Variants in MTUS1 observed in about 807,000 individuals in gnomAD.
MTUS1 encodes microtubule associated scaffold protein 1.
MTUS1 carries 109 observed loss-of-function variants against 120.8 expected under a neutral mutation model. The observed-to-expected ratio is 0.90, with a 90% confidence interval of 0.77 to 1.06. The LOEUF (loss-of-function observed/expected upper bound fraction) is 1.06, where lower values mean the gene tolerates loss of function less well. MTUS1 is among the 50% of genes least tolerant of loss of function. The probability of loss-of-function intolerance (pLI) is 0.00; values close to 1 mark genes in which losing one functional copy is unlikely to be tolerated. For missense variants in MTUS1, 2,210 were observed against 1,486.3 expected, an observed-to-expected ratio of 1.49 and a Z score of -8.01; for synonymous variants, 737 against 550.5, an observed-to-expected ratio of 1.34 and a Z score of -4.74.
Position 17,653,407 on chromosome 8 carries a change from A to T in MTUS1, c.3288+18T>A, listed in dbSNP as rs368355181. On this transcript the variant is annotated intron_variant, in intron 11 of 14. Transcript: ENST00000693296. ...ATTTTTTTTTGTGGGGGATACTGGG[A>T]TATTGACATTCACCCACCTCTAGCG... 2.6e-4 allele frequency: 415 copies of T among 1,583,352 alleles called. 11 individuals carry two copies. The East Asian group carries it at 5.3e-3, about 20-fold the overall frequency.
chr8:17,733,359 T>TAAA (rs33999065), intron 3 of MTUS1, among the ~76,000 whole-genome samples: 2,197 of 138,894 alleles, frequency 0.016, 23 homozygotes, highest in East Asian at 0.051. Flanking sequence ...TCAAAAAAAT[T>TAAA]AAAAAAAAAA....
chr8:17,654,434 G>A, intron 10 of MTUS1, 127 bp downstream of exon 10: 1 of 670,436 alleles, frequency 1.5e-6, no homozygotes, highest in Non-Finnish European at 2.6e-6. Flanking sequence ...AAGGAACCAA[G>A]AACACCCCAG....
At chr8:17,702,662 A>T (rs1363232727) in intron 6 of MTUS1, among the ~76,000 whole-genome samples, 1 of 152,194 alleles carries the variant, frequency 6.6e-6, no homozygotes, top group African/African-American at 2.4e-5. Flanking sequence ...CACTTAGCAT[A>T]GTGTCCTCCA....
At chr8:17,712,273 G>A (rs1821456037) in intron 6 of MTUS1, among the ~76,000 whole-genome samples, 1 of 151,966 alleles carries the variant, frequency 6.6e-6, no homozygotes, top group Non-Finnish European at 1.5e-5. Context: ...TTTTATCACT[G>A]TATATAAAAT....
chr8:17,725,856 T>G (rs2046196126), intron 3 of MTUS1, among the ~76,000 whole-genome samples: 1 of 152,208 alleles, frequency 6.6e-6, no homozygotes, highest in Non-Finnish European at 1.5e-5. Flanking sequence ...TCTTCCAATG[T>G]GGCCCAGGGA....
At position 17,743,641 on chromosome 8, in the gene MTUS1, G is replaced by C. The variant is rs776848545; in HGVS notation, c.2250C>G (p.Ala750=). ...CACGCCTGATCCTCTGAGGAGATAC[G>C]GCTCGATCAGCACTGGGATTTCTAT... ...SDNRNPSADR[A]VSPQRIRRVS... The change falls in exon 3 of 15, where the codon GCC becomes GCG. Residue 750 remains alanine (A), a synonymous_variant. Coordinates refer to ENST00000693296, the MANE Select transcript of MTUS1 (RefSeq NM_001363059.2). 1 of 1,614,038 alleles carries C rather than the reference G, an allele frequency of 6.2e-7. No homozygotes were observed. The highest frequency in any genetic ancestry group is 1.3e-5 in the African/African-American group (1 of 75,010).
intron 1 of MTUS1, among the ~76,000 whole-genome samples, chr8:17,766,893 A>T (rs1215367373): frequency 6.6e-6 from 1 of 152,150 alleles, no homozygotes; most frequent in African/African-American, 2.4e-5. Context: ...TCATATTTTA[A>T]AGTATGATAG....
chr8:17,746,326 C>G (rs7814819), intron 2 of MTUS1, among the ~76,000 whole-genome samples: 14,715 of 152,168 alleles, frequency 0.097, 810 homozygotes, highest in Middle Eastern at 0.16. Flanking sequence ...TCTATACATC[C>G]CAACTCAGCA....
chr8:17,728,318 T>C (rs1423778018), intron 3 of MTUS1, among the ~76,000 whole-genome samples: 1 of 152,218 alleles, frequency 6.6e-6, no homozygotes, highest in East Asian at 1.9e-4. Flanking sequence ...TTCATCAGGC[T>C]GGTCTCAAAC....
At chr8:17,759,171 A>G (rs1295636237) in intron 1 of MTUS1, among the ~76,000 whole-genome samples, 1 of 152,114 alleles carries the variant, frequency 6.6e-6, no homozygotes, top group Non-Finnish European at 1.5e-5. Flanking sequence ...ATGAGCCACC[A>G]TGCCCGGCCC....
intron 4 of MTUS1, among the ~76,000 whole-genome samples, chr8:17,719,769 C>T (rs1294491050): frequency 2.0e-5 from 3 of 152,170 alleles, no homozygotes; most frequent in Non-Finnish European, 4.4e-5. Context: ...ATATTCACTT[C>T]CCATTCCTGT....
intron 7 of MTUS1, 72 bp downstream of exon 7, chr8:17,684,256 C>A (rs935641087): frequency 1.0e-5 from 11 of 1,057,776 alleles, no homozygotes; most frequent in African/African-American, 3.1e-5. Flanking sequence ...CCAAGGCCAG[C>A]GTGTGAGCAA....
chr8:17,696,673 T>A (rs900937379), intron 6 of MTUS1, among the ~76,000 whole-genome samples: 2 of 152,060 alleles, frequency 1.3e-5, no homozygotes, highest in Non-Finnish European at 2.9e-5. Flanking sequence ...GATACAAACA[T>A]AAACCTCAGG....
At chr8:17,700,154 G>C (rs1184584632) in intron 6 of MTUS1, among the ~76,000 whole-genome samples, 1 of 152,086 alleles carries the variant, frequency 6.6e-6, no homozygotes, top group Non-Finnish European at 1.5e-5. Flanking sequence ...GTTTGTAGTT[G>C]TAAAAGTTAG....
intron 1 of MTUS1, among the ~76,000 whole-genome samples, chr8:17,764,236 T>C (rs6586644): frequency 0.98 from 148,395 of 152,134 alleles, 72,479 homozygotes; most frequent in East Asian, 1. Context: ...ATGAAAAAAC[T>C]CTATGATCTA....
intron 6 of MTUS1, among the ~76,000 whole-genome samples, chr8:17,687,786 G>C (rs941792907): frequency 6.6e-6 from 1 of 152,142 alleles, no homozygotes; most frequent in African/African-American, 2.4e-5. Flanking sequence ...TGACCCTGTT[G>C]GCTATCTTTG....
At chr8:17,795,296 G>A (rs538634761) in intron 1 of MTUS1, among the ~76,000 whole-genome samples, 11 of 152,164 alleles carry the variant, frequency 7.2e-5, no homozygotes, top group African/African-American at 2.7e-4. Context: ...TGTCATTTTA[G>A]GACACAAAAT....
chr8:17,743,467 T>C, intron 3 of MTUS1, 137 bp downstream of exon 3: 1 of 784,676 alleles, frequency 1.3e-6, no homozygotes, highest in Non-Finnish European at 2.0e-6. Context: ...TCATCTTCTT[T>C]TTCTACCTCC....
intron 3 of MTUS1, among the ~76,000 whole-genome samples, chr8:17,729,179 G>T (rs2046402172): frequency 6.6e-6 from 1 of 152,186 alleles, no homozygotes; most frequent in African/African-American, 2.4e-5. Flanking sequence ...TACCTTTAGA[G>T]TAATTACCTA....
Sources: gnomAD v4.1 joint callset for allele counts (sites outside exome capture counted in the v4.1 genomes callset) on GRCh38, gnomAD v4.1.1 for gene constraint, MANE v1.5 for transcripts, NCBI Gene and HGNC (gene_info 2026-07-23, HGNC 2026-07-21) for gene names.